The following SLC19A1 variants were observed in gnomAD, a reference collection of about 807,000 sequenced individuals.
SLC19A1 encodes reduced folate transporter.
SLC19A1 carries 37 observed loss-of-function variants against 35.3 expected under a neutral mutation model. That is an observed-to-expected ratio of 1.05 (90% CI 0.81 to 1.38). The LOEUF (loss-of-function observed/expected upper bound fraction) is 1.38, where lower values mean the gene tolerates loss of function less well. Among genes scored for constraint, SLC19A1 ranks in the 40% most tolerant of loss-of-function variants. The pLI, the probability that SLC19A1 is intolerant of heterozygous loss-of-function variation, is 0.00. For missense variants in SLC19A1, 831 were observed against 826.9 expected, an observed-to-expected ratio of 1.00 and a Z score of -0.06; for synonymous variants, 460 against 398.5, an observed-to-expected ratio of 1.15 and a Z score of -1.84.
chr21:45,511,040 C>A (rs550986455), downstream of SLC19A1: 21 of 438,600 alleles, frequency 4.8e-5, 1 homozygote, highest in African/African-American at 4.0e-4. Context: ...ATCCACACAC[C>A]CCCCCACAAA....
intron 5 of SLC19A1, 50 bp downstream of exon 5, chr21:45,525,766 TC>T: frequency 1.9e-6 from 3 of 1,596,778 alleles, no homozygotes; most frequent in Non-Finnish European, 1.7e-6. Context: ...CTCAACAATG[TC>T]CCCACAAGTA....
At chr21:45,503,184 C>T (rs1370878375) in intron 3 of SLC19A1, among the ~76,000 whole-genome samples, 1 of 152,188 alleles carries the variant, frequency 6.6e-6, no homozygotes, top group African/African-American at 2.4e-5. Context: ...TACAGTCCCA[C>T]CAACAGTGTA....
At chr21:45,559,263 T>G (rs1324371152) in intron 1 of SLC19A1, among the ~76,000 whole-genome samples, 1 of 152,162 alleles carries the variant, frequency 6.6e-6, no homozygotes, top group East Asian at 1.9e-4. Flanking sequence ...CCCTCAGCTG[T>G]GTGGAAACAT....
At chr21:45,516,412 C>T (rs2037945614) in intron 5 of SLC19A1, among the ~76,000 whole-genome samples, 1 of 152,228 alleles carries the variant, frequency 6.6e-6, no homozygotes, top group Non-Finnish European at 1.5e-5. Flanking sequence ...TTCTGCGTGG[C>T]CTGCGGTGTC....
chr21:45,515,742 G>A lies in SLC19A1; in HGVS notation c.1692C>T (p.Pro564=). The change falls in exon 6 of 6, where the codon CCC becomes CCT. Residue 564 remains proline (P), a synonymous_variant. Coordinates refer to ENST00000311124, the MANE Select transcript of SLC19A1 (RefSeq NM_194255.4). ...SGPEAADETC[P]QLAVHPPGVS... ...CACCAGGAGGATGGACAGCCAGCTG[G>A]GGACAAGTCTCATCTGCAGCCTCAG... 1.2e-6 allele frequency: 2 copies of A among 1,613,850 alleles called. No individual in the cohort carries two copies. Among genetic ancestry groups the A allele is most frequent in the Non-Finnish European group, 1.7e-6 (2 of 1,180,012 alleles).
chr21:45,509,358 C>A, downstream of SLC19A1: 1 of 1,546,094 alleles, frequency 6.5e-7, no homozygotes, highest in African/African-American at 1.4e-5. Context: ...ACCTGCAGGA[C>A]AATGAAGTGG....
chr21:45,514,797 GCTC>G lies in SLC19A1; in HGVS notation c.*858_*860del. The G allele has an allele frequency of 1.9e-6, 1 of 528,576 alleles. No homozygotes were observed. Among genetic ancestry groups the G allele is most frequent in the Non-Finnish European group, 3.3e-6 (1 of 305,038 alleles). 32.7% of individuals were successfully genotyped at this position (528,576 alleles called of 1,614,324 possible). On this transcript the variant is annotated 3_prime_UTR_variant, in exon 6 of 6. Coordinates refer to ENST00000311124, the MANE Select transcript of SLC19A1 (RefSeq NM_194255.4). ...CCGCACCTGTGGGCAAGGCACTAGC[GCTC>G]CTTAGACCCTGAGGCCGCTGGGACG...
chr21:45,534,513 C>T lies in SLC19A1; in HGVS notation c.190-2365G>A, dbSNP rs1190071229. On this transcript the variant is annotated intron_variant, in intron 2 of 5. Transcript: ENST00000311124. The surrounding 1 kb of genome is among the most constrained non-coding windows in gnomAD (Gnocchi z 4.2). ...CCACGGCTCTCTGGAAAAGGGCGGC[C>T]AGGGGTCCTAGAAGCCTCACCCACC... 4.0e-6 allele frequency: 6 copies of T among 1,518,054 alleles called. No homozygotes were observed. Among genetic ancestry groups the T allele is most frequent in the Non-Finnish European group, 4.4e-6 (5 of 1,130,840 alleles). 94.0% of individuals were successfully genotyped at this position (1,518,054 alleles called of 1,614,324 possible). A position where few individuals can be genotyped will look rare whatever the true frequency, so the allele number is the denominator to read the frequency against.
chr21:45,510,881 C>G (rs35220265), downstream of SLC19A1, among the ~76,000 whole-genome samples: 3 of 151,236 alleles, frequency 2.0e-5, no homozygotes, highest in Non-Finnish European at 4.4e-5. Flanking sequence ...CTGGCTCCCC[C>G]ACGCTTGTTC....
At chr21:45,509,935 G>A, downstream of SLC19A1, 2 of 1,081,418 alleles carry the variant, frequency 1.8e-6, no homozygotes, top group Non-Finnish European at 2.6e-6. Context: ...TGTGTCACTT[G>A]CGCGCCTCCC....
intron 5 of SLC19A1, 51 bp downstream of exon 5, chr21:45,525,766 T>C (rs137980630): frequency 1.0e-4 from 161 of 1,596,778 alleles, no homozygotes; most frequent in Middle Eastern, 1.8e-4. Context: ...CTCAACAATG[T>C]CCCCACAAGT....
In SLC19A1 at chr21:45,537,862, C is replaced by A; in HGVS notation, c.98G>T (p.Cys33Phe). The change falls in exon 2 of 6, where the codon TGC (cysteine) becomes TTC (phenylalanine). Residue 33 changes from cysteine (C) to phenylalanine (F), a missense_variant. Coordinates refer to ENST00000311124, the MANE Select transcript of SLC19A1 (RefSeq NM_194255.4). ...TATCTGCGCCATGAAGCCGTAGAAG[C>A]AAAGGTAGCACACGAGGTGCCGCCA... ...RSWRHLVCYL[C>F]FYGFMAQIRP... The A allele has an allele frequency of 6.2e-7, 1 of 1,607,856 alleles. No individual in the cohort carries two copies. The highest frequency in any genetic ancestry group is 8.5e-7 in the Non-Finnish European group (1 of 1,178,596).
intron 1 of SLC19A1, among the ~76,000 whole-genome samples, chr21:45,554,852 A>C (rs1397316483): frequency 6.6e-6 from 1 of 151,828 alleles, no homozygotes; most frequent in Non-Finnish European, 1.5e-5. Flanking sequence ...TTAACTGTCC[A>C]GATTCATTGA....
chr21:45,544,975 C>G (rs754332250), upstream of SLC19A1, among the ~76,000 whole-genome samples: 1 of 152,226 alleles, frequency 6.6e-6, no homozygotes, highest in Non-Finnish European at 1.5e-5. Context: ...TTAAGGTCCC[C>G]GTCAGCATAG....
chr21:45,522,343 G>A (rs1484702782), intron 5 of SLC19A1, among the ~76,000 whole-genome samples: 1 of 152,134 alleles, frequency 6.6e-6, no homozygotes, highest in Non-Finnish European at 1.5e-5. Context: ...GTGGCAACAC[G>A]GCATACCAAA....
intron 5 of SLC19A1, among the ~76,000 whole-genome samples, chr21:45,522,464 A>T (rs904251118): frequency 1.3e-5 from 2 of 152,186 alleles, no homozygotes; most frequent in Non-Finnish European, 2.9e-5. Context: ...ACAAGCAACT[A>T]CCTGGTGACC....
chr21:45,525,328 G>A (rs955554873), intron 5 of SLC19A1, among the ~76,000 whole-genome samples: 5 of 152,248 alleles, frequency 3.3e-5, no homozygotes, highest in Non-Finnish European at 7.3e-5. Flanking sequence ...CCTTGGCTGG[G>A]ACCCTCAGGA....
rs2078058520 is a variant in SLC19A1 at position 45,534,952 on chromosome 21, A to C, written c.190-2804T>G. Among the ~76,000 whole-genome samples, 1 of 152,268 alleles carries C rather than the reference A, an allele frequency of 6.6e-6. No homozygotes were observed. Among genetic ancestry groups the C allele is most frequent in the South Asian group, 2.1e-4 (1 of 4,834 alleles). ...CAGGCTGAATGGGCAGAGTGCAGGC[A>C]GCTGCGCCCAAATCTACGTCCAGAC... On this transcript the variant is annotated intron_variant, in intron 2 of 5. Transcript: ENST00000311124. This position sits in a 1 kb window ranked among gnomAD's most constrained non-coding sequence, Gnocchi z 4.2.
At chr21:45,509,990 G>A (rs889934982), downstream of SLC19A1, 34 of 1,491,316 alleles carry the variant, frequency 2.3e-5, no homozygotes, top group South Asian at 2.9e-4. Flanking sequence ...GTGCGGGGCC[G>A]GGGTGGTGCG....
Sources: allele counts gnomAD v4.1 joint callset (sites outside exome capture counted in the v4.1 genomes callset), GRCh38; gene constraint gnomAD v4.1.1; non-coding constraint Gnocchi (gnomAD v3.1); transcripts MANE v1.5; gene names NCBI Gene and HGNC (gene_info 2026-07-23, HGNC 2026-07-21).